The following KDM4C variants were observed in gnomAD, a reference collection of about 807,000 sequenced individuals.
The protein encoded by KDM4C is lysine demethylase 4C, also known as lysine-specific demethylase 4C.
A neutral mutation model predicts 129.3 loss-of-function variants in KDM4C; 81 were observed. The observed-to-expected ratio is 0.63, with a 90% CI of 0.52 to 0.75. The LOEUF is 0.75. Among genes scored for constraint, KDM4C ranks in the 30% least tolerant of loss-of-function variants. KDM4C has a pLI of 0.00. For missense variants in KDM4C, 1,457 were observed against 1,304.0 expected, an observed-to-expected ratio of 1.12 and a Z score of -1.81; for synonymous variants, 573 against 456.1, an observed-to-expected ratio of 1.26 and a Z score of -3.26.
At chr9:7,059,806 T>A (rs1831363592) in intron 17 of KDM4C, among the ~76,000 whole-genome samples, 1 of 152,202 alleles carries the variant, frequency 6.6e-6, no homozygotes, top group African/African-American at 2.4e-5. Context: ...TTAGAAAATA[T>A]GGTTATTTTC....
chr9:6,771,364 T>C (rs1389361435), intron 1 of KDM4C, among the ~76,000 whole-genome samples: 1 of 151,960 alleles, frequency 6.6e-6, no homozygotes, highest in Non-Finnish European at 1.5e-5. Flanking sequence ...CAGGCTGGAG[T>C]GCAATGTTAC....
In KDM4C at chr9:7,156,452, G is replaced by T. The variant is rs1331913158; in HGVS notation, c.2782-8786G>T. On this transcript the variant is annotated intron_variant, in intron 19 of 21. Transcript: ENST00000381309. ...CCATGCCTGTGTCCTGAATGGTATT[G>T]CCTAGGTTTTCTTCTAGGGTTTTTA... Among the ~76,000 whole-genome samples, 6 of 152,170 alleles carry T rather than the reference G, an allele frequency of 3.9e-5. No individual in the cohort carries two copies. In the East Asian group the frequency reaches 1.2e-3, roughly 29 times the overall value.
chr9:7,097,318 G>A (rs751876853), intron 17 of KDM4C, among the ~76,000 whole-genome samples: 11 of 152,188 alleles, frequency 7.2e-5, no homozygotes, highest in African/African-American at 2.7e-4. Flanking sequence ...TCTAAACTCC[G>A]AGAAATTAAT....
At chr9:6,820,236 A>ACAT (rs1832789037) in intron 4 of KDM4C, among the ~76,000 whole-genome samples, 1 of 152,192 alleles carries the variant, frequency 6.6e-6, no homozygotes, top group African/African-American at 2.4e-5. Context: ...AGTGGGGACG[A>ACAT]CATCTGAACT....
intron 8 of KDM4C, among the ~76,000 whole-genome samples, chr9:6,926,154 A>G (rs993411423): frequency 6.6e-6 from 1 of 152,012 alleles, no homozygotes; most frequent in Non-Finnish European, 1.5e-5. Context: ...TTGTGAGCAG[A>G]TTACCCAGTT....
chr9:6,925,654 G>GA (rs1320442771), intron 8 of KDM4C: 1 of 985,106 alleles, frequency 1.0e-6, no homozygotes, highest in African/African-American at 1.7e-5. Context: ...GTTTCAGAAA[G>GA]ATGCTGTTCG....
intron 1 of KDM4C, among the ~76,000 whole-genome samples, chr9:6,744,264 G>GC (rs1443982713): frequency 2.0e-5 from 3 of 152,146 alleles, no homozygotes; most frequent in Non-Finnish European, 4.4e-5. Context: ...AGTGGCTCAT[G>GC]CCTGTAATCC....
intron 19 of KDM4C, among the ~76,000 whole-genome samples, chr9:7,161,674 G>C (rs1322859179): frequency 6.6e-6 from 1 of 152,154 alleles, no homozygotes; most frequent in Non-Finnish European, 1.5e-5. Context: ...CCTGGCTTGG[G>C]CTGCTGGGCT....
intron 15 of KDM4C, among the ~76,000 whole-genome samples, chr9:7,038,396 A>T (rs1034493081): frequency 2.0e-5 from 3 of 152,038 alleles, no homozygotes; most frequent in Non-Finnish European, 4.4e-5. Context: ...GGCTTGCTGT[A>T]TGGGACCCAA....
chr9:7,062,843 A>G (rs1481972901), intron 17 of KDM4C, among the ~76,000 whole-genome samples: 1 of 152,152 alleles, frequency 6.6e-6, no homozygotes, highest in Non-Finnish European at 1.5e-5. Context: ...ACGGGGACAC[A>G]ATGCTATTGA....
At chr9:6,796,496 G>A (rs1564025025) in intron 2 of KDM4C, among the ~76,000 whole-genome samples, 3 of 152,280 alleles carry the variant, frequency 2.0e-5, no homozygotes, top group Admixed American at 6.5e-5. Flanking sequence ...ACTGAAATTA[G>A]TGGAGTGTCT....
rs181766545 is a variant in KDM4C, at chr9:6,952,401, G to A, written c.922-28524G>A. ...ACTGATATGGGAAATTGTTCACAGT[G>A]TGTATGTGTGTATATATATATATAT... On this transcript the variant is annotated intron_variant, in intron 8 of 21. Coordinates refer to ENST00000381309, the MANE Select transcript of KDM4C (RefSeq NM_015061.6). Among the ~76,000 whole-genome samples the A allele has an allele frequency of 4.6e-3, 553 of 120,302 alleles. 1 individual carries two copies. The highest frequency in any genetic ancestry group is 0.016 in the African/African-American group (493 of 31,624). The allele number at this position is 120,302 out of a possible 152,430, so 78.9% of individuals were successfully genotyped here.
chr9:7,030,853 A>C (rs1194217683), intron 15 of KDM4C, among the ~76,000 whole-genome samples: 1 of 152,134 alleles, frequency 6.6e-6, no homozygotes, highest in Non-Finnish European at 1.5e-5. Flanking sequence ...CAAAAACTAG[A>C]TTTTGTAATG....
At chr9:6,850,531 C>T (rs1043153021) in intron 5 of KDM4C, among the ~76,000 whole-genome samples, 7 of 151,964 alleles carry the variant, frequency 4.6e-5, no homozygotes, top group Admixed American at 1.3e-4. Flanking sequence ...CTGCAACCTC[C>T]GCTTCCTGGG....
chr9:6,749,501 A>G (rs1348305744), intron 1 of KDM4C, among the ~76,000 whole-genome samples: 1 of 152,080 alleles, frequency 6.6e-6, no homozygotes, highest in African/African-American at 2.4e-5. Context: ...ATCTCTACAA[A>G]AAATAAATTA....
chr9:7,049,345 T>G (rs1028635873), intron 17 of KDM4C, 145 bp downstream of exon 17: 3 of 486,858 alleles, frequency 6.2e-6, no homozygotes, highest in Middle Eastern at 5.4e-4. Context: ...AGCCTAAATT[T>G]ATTTATTCTT....
chr9:7,133,190 T>C (rs1840828361), intron 19 of KDM4C, among the ~76,000 whole-genome samples: 1 of 152,204 alleles, frequency 6.6e-6, no homozygotes, highest in Non-Finnish European at 1.5e-5. Flanking sequence ...TCCAATTTTT[T>C]AGAATATTAA....
At chr9:7,030,059 A>G (rs1826468899) in intron 15 of KDM4C, among the ~76,000 whole-genome samples, 1 of 152,182 alleles carries the variant, frequency 6.6e-6, no homozygotes, top group South Asian at 2.1e-4. Context: ...TTGAAGGAAG[A>G]TGTAAAAGTA....
At chr9:6,841,595 A>G (rs1836918803) in intron 4 of KDM4C, among the ~76,000 whole-genome samples, 1 of 152,198 alleles carries the variant, frequency 6.6e-6, no homozygotes. Flanking sequence ...CAGCCCCTAA[A>G]ATATGCCAGA....
Sources: gnomAD v4.1 joint callset for allele counts (sites outside exome capture counted in the v4.1 genomes callset) on GRCh38, gnomAD v4.1.1 for gene constraint, MANE v1.5 for transcripts, NCBI Gene and HGNC (gene_info 2026-07-23, HGNC 2026-07-21) for gene names.